The following CTSH variants were observed in gnomAD, a reference collection of about 807,000 sequenced individuals.
CTSH encodes cathepsin H, also known as pro-cathepsin H.
In CTSH, 52 loss-of-function variants were observed where a neutral mutation model predicts 56.3. That is an observed-to-expected ratio of 0.92 (90% CI 0.74 to 1.16). The LOEUF (loss-of-function observed/expected upper bound fraction) is 1.16. Among genes scored for constraint, CTSH ranks in the 50% most tolerant of loss-of-function variants. The pLI, the probability that CTSH is intolerant of heterozygous loss-of-function variation, is 0.00. For missense variants in CTSH, 406 were observed against 424.5 expected (o/e 0.96, Z 0.38); for synonymous variants, 174 against 155.7 (o/e 1.12, Z -0.88).
At chr15:78,941,447 A>T (rs1330940252) in intron 1 of CTSH, among the ~76,000 whole-genome samples, 3 of 147,954 alleles carry the variant, frequency 2.0e-5, no homozygotes, top group Non-Finnish European at 4.5e-5. Flanking sequence ...AAAAAAAAAA[A>T]AAATTAAATG....
intron 6 of CTSH, chr15:78,931,732 A>G: frequency 2.8e-6 from 4 of 1,432,398 alleles, no homozygotes; most frequent in Non-Finnish European, 3.6e-6. Context: ...AGGGGCAGCC[A>G]GGGAAGGTGA....
chr15:78,926,659 T>C (rs2054909321), intron 9 of CTSH: 2 of 152,244 alleles, frequency 1.3e-5, no homozygotes, highest in Admixed American at 6.5e-5. Flanking sequence ...TTGCGCTGTA[T>C]GTTGTCAAGG....
At chr15:78,923,742 C>G (rs1203657459) in intron 10 of CTSH, among the ~76,000 whole-genome samples, 1 of 152,206 alleles carries the variant, frequency 6.6e-6, no homozygotes. Context: ...GTCTGGCAGA[C>G]TTTAACACAG....
At chr15:78,943,146 G>A (rs1188443912) in intron 1 of CTSH, among the ~76,000 whole-genome samples, 2 of 152,090 alleles carry the variant, frequency 1.3e-5, no homozygotes, top group Admixed American at 6.5e-5. Context: ...CTGGTGAACC[G>A]TGCCTTACCC....
chr15:78,925,421 A>G lies in CTSH; in HGVS notation c.719T>C (p.Val240Ala). The G allele has an allele frequency of 6.2e-7, 1 of 1,613,604 alleles. No homozygotes were observed. The part of the protein sequence containing the change: ...NITIYDEEAM[V>A]EAVALYNPVS... ...AGGGTTGTAGAGGGCCACAGCCTCC[A>G]CCATCGCTTCCTCGTCATACTGTGG... is the stretch of plus-strand genomic sequence containing the variant. The change falls in exon 10 of 12, where the codon GTG becomes GCG. Residue 240 changes from valine (V) to alanine (A), a missense_variant. Physicochemically the swap from Val to Ala is moderately conservative, Grantham distance 64. Transcript: ENST00000220166.
rs2054770592 is a variant in CTSH, at chr15:78,921,652, A to G, written c.*478T>C. Reference sequence around the variant, plus strand: ...ACCCCATCTGGTGGATAATACCGCCAGCACCCCCACCATCCTCCCAGCCAG... The same window carrying G: ...ACCCCATCTGGTGGATAATACCGCCGGCACCCCCACCATCCTCCCAGCCAG... On this transcript the variant is annotated 3_prime_UTR_variant, in exon 12 of 12. Transcript: ENST00000220166. 6.5e-6 allele frequency: 1 copy of G among 153,884 alleles called. No homozygotes were observed. Among genetic ancestry groups the G allele is most frequent in the Admixed American group, 6.5e-5 (1 of 15,304 alleles). 9.5% of individuals were successfully genotyped at this position (153,884 alleles called of 1,614,324 possible). A position where few individuals can be genotyped will look rare whatever the true frequency, so the allele number is the denominator to read the frequency against.
chr15:78,925,637 T>C (rs2054888124), intron 9 of CTSH, 197 bp from the exon 10 acceptor site: 1 of 520,612 alleles, frequency 1.9e-6, no homozygotes, highest in Non-Finnish European at 3.5e-6. Context: ...TCCCCAACTC[T>C]GCTCCTAGGA....
chr15:78,925,293 C>T (rs1251941119), intron 10 of CTSH, 41 bp downstream of exon 10: 2 of 1,340,566 alleles, frequency 1.5e-6, no homozygotes, highest in South Asian at 1.2e-5. Flanking sequence ...CCACCAAGCC[C>T]CTCCCCACTG....
chr15:78,939,580 A>G (rs2055245703), intron 1 of CTSH, among the ~76,000 whole-genome samples: 1 of 152,228 alleles, frequency 6.6e-6, no homozygotes, highest in African/African-American at 2.4e-5. Context: ...TTCGGTAAGA[A>G]GTTAATTTAA....
intron 11 of CTSH, among the ~76,000 whole-genome samples, chr15:78,922,628 G>T (rs960975159): frequency 6.6e-6 from 1 of 152,194 alleles, no homozygotes; most frequent in African/African-American, 2.4e-5. Context: ...CCGGAAGGAG[G>T]GGCTGTCAGT....
chr15:78,934,957 G>A (rs1387433510), intron 5 of CTSH, 21 bp downstream of exon 5: 5 of 1,521,374 alleles, frequency 3.3e-6, no homozygotes, highest in Middle Eastern at 1.7e-4. Context: ...GCAGGGAGAG[G>A]ATGGAGATTG....
intron 8 of CTSH, among the ~76,000 whole-genome samples, chr15:78,928,071 G>A (rs1401524402): frequency 6.6e-6 from 1 of 152,202 alleles, no homozygotes; most frequent in Non-Finnish European, 1.5e-5. Context: ...CCGAGTCAGA[G>A]CCTGTGAGGC....
intron 5 of CTSH, 166 bp downstream of exon 5, chr15:78,934,812 G>A (rs111717641): frequency 9.9e-6 from 7 of 704,176 alleles, no homozygotes; most frequent in African/African-American, 1.7e-5. Flanking sequence ...GAGAAGTGCT[G>A]ACCTCCCTGG....
intron 7 of CTSH, 106 bp downstream of exon 7, chr15:78,931,345 G>A (rs1209093459): frequency 2.1e-6 from 3 of 1,452,352 alleles, no homozygotes; most frequent in Non-Finnish European, 2.9e-6. Flanking sequence ...CATCGCCCAG[G>A]GCAGTGGTGG....
Position 78,925,391 on chromosome 15 carries a change from C to CT in CTSH, c.748dup (p.Ser250LysfsTer5). The stretch of plus-strand genomic sequence containing the variant: ...GTCCTGAGTCACCTCAAAGGCAAAG[C>CT]TCACAGGGTTGTAGAGGGCCACAGC... On this transcript the variant is annotated frameshift_variant, in exon 10 of 12. Coordinates refer to ENST00000220166, the MANE Select transcript of CTSH (RefSeq NM_004390.5). LOFTEE classifies it high-confidence loss of function. 4 of 1,614,060 alleles carry CT rather than the reference C, an allele frequency of 2.5e-6. No homozygotes were observed. Among genetic ancestry groups the CT allele is most frequent in the African/African-American group, 1.3e-5 (1 of 75,050 alleles).
intron 1 of CTSH, among the ~76,000 whole-genome samples, chr15:78,939,970 C>G (rs2141554271): frequency 6.6e-6 from 1 of 152,340 alleles, no homozygotes; most frequent in East Asian, 1.9e-4. Context: ...ATATTTCAGG[C>G]TTTGCCATCT....
intron 9 of CTSH, chr15:78,925,946 C>T (rs919499689): frequency 7.5e-5 from 12 of 159,350 alleles, no homozygotes; most frequent in Middle Eastern, 6.2e-3. Flanking sequence ...TTCCTGGAGG[C>T]TGCAGCTTTG....
chr15:78,921,506 G>A lies in CTSH; in HGVS notation c.*624C>T, dbSNP rs888339509. On this transcript the variant is annotated 3_prime_UTR_variant, in exon 12 of 12. Transcript: ENST00000220166. ...AAGTACAGGCTTCTGGGCTGACATT[G>A]TGGGTTTGAATCCTGCCTCTGCCGC... 9 of 152,616 alleles carry A rather than the reference G, an allele frequency of 5.9e-5. No homozygotes were observed. Among genetic ancestry groups the A allele is most frequent in the African/African-American group, 2.2e-4 (9 of 41,442 alleles). 9.5% of individuals were successfully genotyped at this position (152,616 alleles called of 1,614,324 possible). A position where few individuals can be genotyped will look rare whatever the true frequency, so the allele number is the denominator to read the frequency against.
In CTSH at chr15:78,945,002, T is replaced by C. The variant is rs1257199781; in HGVS notation, c.-21A>G. 12 of 1,517,670 alleles carry C rather than the reference T, an allele frequency of 7.9e-6. No individual in the cohort carries two copies. The highest frequency in any genetic ancestry group is 1.1e-5 in the Non-Finnish European group (12 of 1,133,880). 94.0% of individuals were successfully genotyped at this position (1,517,670 alleles called of 1,614,324 possible). ...CACATCGCAGCGCTGGCGGCTTGGC[T>C]CTTGCGCTCAGGGTCCGCGGAGGTG... On this transcript the variant is annotated 5_prime_UTR_variant, in exon 1 of 12. Coordinates refer to ENST00000220166, the MANE Select transcript of CTSH (RefSeq NM_004390.5).
Sources: gnomAD v4.1 joint callset for allele counts (sites outside exome capture counted in the v4.1 genomes callset) on GRCh38, gnomAD v4.1.1 for gene constraint, MANE v1.5 for transcripts, NCBI Gene and HGNC (gene_info 2026-07-23, HGNC 2026-07-21) for gene names.